The following PCAT7 variants were observed in gnomAD, a reference collection of about 807,000 sequenced individuals.
The protein encoded by PCAT7 is prostate cancer associated transcript 7, also known as prostate cancer associated transcript 7 (non-protein coding).
At chr9:94,574,281 C>T (rs1312723397) in intron 3 of PCAT7, among the ~76,000 whole-genome samples, 1 of 152,082 alleles carries the variant, frequency 6.6e-6, no homozygotes, top group Admixed American at 6.5e-5. Context: ...TATACTTTTA[C>T]CACTAATAAT....
At chr9:94,571,985 G>A (rs1338144109) in intron 2 of PCAT7, among the ~76,000 whole-genome samples, 1 of 152,118 alleles carries the variant, frequency 6.6e-6, no homozygotes, top group Non-Finnish European at 1.5e-5. Flanking sequence ...AGCCCTTTGG[G>A]GCAGATAGCA....
In PCAT7 at chr9:94,558,977, T is replaced by A. The variant is rs201920908; in HGVS notation, n.266T>A. On this transcript the variant is annotated non_coding_transcript_exon_variant, in exon 2 of 9. Coordinates refer to ENST00000647389, the Ensembl canonical transcript of PCAT7. ...GATTTTTCTGCACACAGGTGAGATA[T>A]TCCTGCACATCCTCTGGTGACCCCA... The A allele has an allele frequency of 7.4e-6, 12 of 1,613,958 alleles. No individual in the cohort carries two copies. The East Asian group carries it at 8.9e-5, about 12-fold the overall frequency.
intron 1 of PCAT7, chr9:94,558,826 T>G: frequency 1.0e-6 from 1 of 988,492 alleles, no homozygotes; most frequent in Non-Finnish European, 1.6e-6. Context: ...TGTATGTGAT[T>G]AAGTGGATTT....
In PCAT7 at chr9:94,558,839, C is replaced by A. The variant is rs566540894; in HGVS notation, n.258-130C>A. On this transcript the variant is annotated intron_variant and non_coding_transcript_variant, in intron 1 of 8. Transcript: ENST00000647389. ...TCTGTATGTGATTAAGTGGATTTAC[C>A]TTTTGTATACTCATAGCTACCATCT... The A allele has an allele frequency of 1.1e-4, 131 of 1,156,258 alleles. No homozygotes were observed. In the African/African-American group the frequency reaches 1.9e-3, roughly 17 times the overall value. 71.6% of individuals were successfully genotyped at this position (1,156,258 alleles called of 1,614,324 possible).
chr9:94,571,307 G>C (rs942584731), intron 2 of PCAT7, among the ~76,000 whole-genome samples: 1 of 152,178 alleles, frequency 6.6e-6, no homozygotes, highest in Non-Finnish European at 1.5e-5. Flanking sequence ...CATGGTTTCT[G>C]ATGATGGTTT....
chr9:94,571,674 C>T, intron 2 of PCAT7: 1 of 1,361,830 alleles, frequency 7.3e-7, no homozygotes, highest in Non-Finnish European at 1.0e-6. Flanking sequence ...GGGGCCTGGG[C>T]TTCAGATCTC....
intron 2 of PCAT7, chr9:94,563,520 G>A: frequency 2.5e-6 from 4 of 1,578,030 alleles, no homozygotes; most frequent in Non-Finnish European, 3.5e-6. Flanking sequence ...GCCAGCACCT[G>A]CTCGTGGTCA....
chr9:94,561,541 A>G (rs1317613523), intron 2 of PCAT7, among the ~76,000 whole-genome samples: 1 of 151,644 alleles, frequency 6.6e-6, no homozygotes, highest in African/African-American at 2.4e-5. Flanking sequence ...TATTTTTTGT[A>G]TTTTTAGTAG....
intron 2 of PCAT7, chr9:94,567,419 A>C: frequency 6.2e-7 from 1 of 1,612,414 alleles, no homozygotes; most frequent in Non-Finnish European, 8.5e-7. Flanking sequence ...TAGCAACATG[A>C]AGAGAGATGC....
chr9:94,560,538 C>T (rs942118534), intron 2 of PCAT7, among the ~76,000 whole-genome samples: 11 of 152,028 alleles, frequency 7.2e-5, no homozygotes, highest in Non-Finnish European at 1.5e-4. Context: ...GTGTAACTTC[C>T]CAAAAGTTCA....
At chr9:94,558,945 C>T in intron 1 of PCAT7, 2 of 1,614,026 alleles carry the variant, frequency 1.2e-6, no homozygotes, top group Non-Finnish European at 1.7e-6. Context: ...TCGCTAGCTG[C>T]CTGCCTGATT....
intron 2 of PCAT7, among the ~76,000 whole-genome samples, chr9:94,562,117 C>T (rs1587835863): frequency 2.0e-5 from 3 of 151,926 alleles, no homozygotes; most frequent in Admixed American, 1.3e-4. Context: ...CGAGACCATC[C>T]TGGCTAACAT....
rs550526190 is a variant in PCAT7 at position 94,563,403 on chromosome 9, C to G, written n.441+4251C>G. On this transcript the variant is annotated intron_variant and non_coding_transcript_variant, in intron 2 of 8. Coordinates refer to ENST00000647389, the Ensembl canonical transcript of PCAT7. ...GAAGATTCCTCCATAGACCAGGGTG[C>G]GGTGCACGTCAGCCACCATGGAGCC... 2.0e-4 allele frequency: 329 copies of G among 1,613,874 alleles called. No homozygotes were observed. The South Asian group carries it at 3.4e-3, about 17-fold the overall frequency.
intron 2 of PCAT7, among the ~76,000 whole-genome samples, chr9:94,559,887 G>A (rs985209153): frequency 2.0e-5 from 3 of 152,100 alleles, no homozygotes; most frequent in African/African-American, 7.2e-5. Flanking sequence ...CAGGATTTTG[G>A]GAGGCCGAGG....
Position 94,565,385 on chromosome 9 carries a change from A to AAG in PCAT7, n.441+6235_441+6236dup, listed in dbSNP as rs1554745859. 1.3e-4 allele frequency among the ~76,000 whole-genome samples: 18 copies of AAG among 134,914 alleles called. 5 individuals carry two copies. The highest frequency in any genetic ancestry group is 6.2e-4 in the East Asian group (3 of 4,828). The allele number at this position is 134,914 out of a possible 152,430, so 88.5% of individuals were successfully genotyped here. A position where few individuals can be genotyped will look rare whatever the true frequency, so the allele number is the denominator to read the frequency against. ...CTCCACCTCAAAAAAAAAAAAAAAA[A>AAG]AGATGTTCCCAGTGGGGTTTTTGAG... On this transcript the variant is annotated intron_variant and non_coding_transcript_variant, in intron 2 of 8. Transcript: ENST00000647389.
At chr9:94,571,298 A>G (rs1827265976) in intron 2 of PCAT7, among the ~76,000 whole-genome samples, 2 of 152,128 alleles carry the variant, frequency 1.3e-5, no homozygotes, top group African/African-American at 2.4e-5. Context: ...GAGGCCCTTC[A>G]TGGTTTCTGA....
chr9:94,566,848 TTA>T (rs1380639051), intron 2 of PCAT7, among the ~76,000 whole-genome samples: 2 of 152,192 alleles, frequency 1.3e-5, no homozygotes, highest in African/African-American at 4.8e-5. Context: ...AGTTTATATT[TTA>T]TGTTTCTAAT....
At chr9:94,560,765 G>A (rs1827086825) in intron 2 of PCAT7, among the ~76,000 whole-genome samples, 1 of 147,046 alleles carries the variant, frequency 6.8e-6, no homozygotes, top group Non-Finnish European at 1.5e-5. Context: ...TTTATATAAT[G>A]TTATTATATA....
At chr9:94,561,185 C>T (rs1827093540) in intron 2 of PCAT7, among the ~76,000 whole-genome samples, 1 of 152,074 alleles carries the variant, frequency 6.6e-6, no homozygotes, top group African/African-American at 2.4e-5. Context: ...CCTGTTGAGT[C>T]AACTACTTTA....
Sources: gnomAD v4.1 joint callset for allele counts (sites outside exome capture counted in the v4.1 genomes callset) on GRCh38, gnomAD v4.1.1 for gene constraint, MANE v1.5 for transcripts, NCBI Gene and HGNC (gene_info 2026-07-23, HGNC 2026-07-21) for gene names.